The following HNF4G variants were observed in gnomAD, a reference collection of about 807,000 sequenced individuals.
HNF4G encodes hepatocyte nuclear factor 4 gamma, also known as hepatocyte nuclear factor 4-gamma.
Under a neutral mutation model 50.9 loss-of-function variants are expected in HNF4G, and 21 were observed. The observed-to-expected ratio is 0.41, with a 90% confidence interval of 0.29 to 0.59. HNF4G has a LOEUF of 0.59. Among genes scored for constraint, HNF4G ranks in the 20% least tolerant of loss-of-function variants. The pLI, the probability that HNF4G is intolerant of heterozygous loss-of-function variation, is 0.26. For synonymous variants in HNF4G, 198 were observed against 185.6 expected, an observed-to-expected ratio of 1.07 and a Z score of -0.54; for missense variants, 527 against 559.4, an observed-to-expected ratio of 0.94 and a Z score of 0.58.
chr8:75,499,756 T>C (rs964278900), intron 2 of HNF4G, among the ~76,000 whole-genome samples: 8 of 151,998 alleles, frequency 5.3e-5, no homozygotes, highest in Admixed American at 5.2e-4. Flanking sequence ...GATAAATTGA[T>C]TTTGACAAGG....
intron 2 of HNF4G, among the ~76,000 whole-genome samples, chr8:75,546,064 A>G (rs2130792677): frequency 6.6e-6 from 1 of 152,194 alleles, no homozygotes; most frequent in East Asian, 1.9e-4. Context: ...TAGTTTTTAG[A>G]AGAAGTACAT....
chr8:75,502,063 G>A (rs183898007), intron 2 of HNF4G, among the ~76,000 whole-genome samples: 40 of 152,240 alleles, frequency 2.6e-4, no homozygotes, highest in African/African-American at 9.4e-4. Context: ...CTGTTAGCCA[G>A]GATGGTCTTC....
At chr8:75,491,078 C>G (rs1812618200) in intron 2 of HNF4G, among the ~76,000 whole-genome samples, 1 of 152,160 alleles carries the variant, frequency 6.6e-6, no homozygotes, top group Non-Finnish European at 1.5e-5. Flanking sequence ...TCAATCTTGT[C>G]TCTGCCATTT....
At chr8:75,446,903 A>T (rs991401362) in intron 1 of HNF4G, among the ~76,000 whole-genome samples, 8 of 119,770 alleles carry the variant, frequency 6.7e-5, no homozygotes, top group African/African-American at 2.8e-4. Flanking sequence ...GCTACCAATG[A>T]CTTTCTTCAC....
At chr8:75,479,547 T>G (rs1312095230) in intron 1 of HNF4G, among the ~76,000 whole-genome samples, 5 of 150,628 alleles carry the variant, frequency 3.3e-5, no homozygotes, top group Admixed American at 2.0e-4. Context: ...CAGGGCTATA[T>G]CATTAACAAG....
At chr8:75,441,302 A>G (rs772069784) in intron 1 of HNF4G, among the ~76,000 whole-genome samples, 3 of 151,632 alleles carry the variant, frequency 2.0e-5, no homozygotes, top group Non-Finnish European at 4.4e-5. Context: ...CTAAAGTGCA[A>G]TGGCACAGTC....
intron 1 of HNF4G, among the ~76,000 whole-genome samples, chr8:75,472,255 T>C (rs772507217): frequency 6.6e-6 from 1 of 152,214 alleles, no homozygotes; most frequent in African/African-American, 2.4e-5. Context: ...ATTTAGAAAG[T>C]ATTTAGCTTA....
intron 1 of HNF4G, among the ~76,000 whole-genome samples, chr8:75,410,939 G>C (rs574372439): frequency 6.6e-6 from 1 of 152,146 alleles, no homozygotes; most frequent in Non-Finnish European, 1.5e-5. Context: ...CACACATATA[G>C]ATCAGGTAAT....
At chr8:75,414,297 T>C (rs1232299301) in intron 1 of HNF4G, among the ~76,000 whole-genome samples, 1 of 152,094 alleles carries the variant, frequency 6.6e-6, no homozygotes, top group Non-Finnish European at 1.5e-5. Context: ...TAATTTAGCA[T>C]AATTATTTTG....
intron 2 of HNF4G, among the ~76,000 whole-genome samples, chr8:75,529,135 A>C (rs937703635): frequency 2.6e-5 from 4 of 152,012 alleles, no homozygotes; most frequent in African/African-American, 9.7e-5. Flanking sequence ...AAATACAAAA[A>C]AAAAAATTAG....
intron 1 of HNF4G, among the ~76,000 whole-genome samples, chr8:75,471,003 T>TA (rs1486771016): frequency 6.6e-6 from 1 of 152,180 alleles, no homozygotes; most frequent in Non-Finnish European, 1.5e-5. Context: ...TTCAGTGAGT[T>TA]ACTGCACTGC....
At chr8:75,450,416 G>A (rs185351251) in intron 1 of HNF4G, among the ~76,000 whole-genome samples, 7 of 152,256 alleles carry the variant, frequency 4.6e-5, no homozygotes, top group African/African-American at 1.7e-4. Context: ...CCTAAGGCCT[G>A]CAACATACTG....
upstream of HNF4G, among the ~76,000 whole-genome samples, chr8:75,535,101 T>G (rs1455452525): frequency 6.6e-6 from 1 of 151,744 alleles, no homozygotes; most frequent in Non-Finnish European, 1.5e-5. Flanking sequence ...AAATTACACA[T>G]AATCTGGGCT....
intron 1 of HNF4G, among the ~76,000 whole-genome samples, chr8:75,460,595 G>A (rs1162314398): frequency 1.3e-5 from 2 of 152,242 alleles, no homozygotes; most frequent in East Asian, 3.9e-4. Context: ...CCAATGATAG[G>A]ACAATATTAT....
chr8:75,490,399 C>T (rs555080481), intron 2 of HNF4G, among the ~76,000 whole-genome samples: 2 of 152,002 alleles, frequency 1.3e-5, no homozygotes, highest in South Asian at 4.2e-4. Flanking sequence ...CAAATATGAT[C>T]TTCCTTGCCC....
At chr8:75,467,780 A>T (rs575403738) in intron 1 of HNF4G, among the ~76,000 whole-genome samples, 54 of 151,818 alleles carry the variant, frequency 3.6e-4, no homozygotes, top group African/African-American at 1.1e-3. Flanking sequence ...ATTTTTTTTT[A>T]AAATGTCATT....
At chr8:75,459,097 C>T (rs2130600991) in intron 1 of HNF4G, among the ~76,000 whole-genome samples, 1 of 152,198 alleles carries the variant, frequency 6.6e-6, no homozygotes, top group East Asian at 1.9e-4. Context: ...GTCTGTCTAT[C>T]TAGCTATTTC....
chr8:75,486,440 A>G (rs1319938465), intron 1 of HNF4G, among the ~76,000 whole-genome samples: 1 of 152,158 alleles, frequency 6.6e-6, no homozygotes, highest in Admixed American at 6.5e-5. Context: ...GATCATATAC[A>G]TGTTGAATCT....
rs114079154 is a variant in HNF4G, at chr8:75,529,914, C to T, written c.-23-13897C>T. ...TCCTCTCCTCCAAACTTTTATCCAA[C>T]CACCATTCACCTTTCTCAAGAAGAG... On this transcript the variant is annotated intron_variant, in intron 2 of 10. Transcript: ENST00000354370. 9.5e-3 allele frequency among the ~76,000 whole-genome samples: 1,450 copies of T among 152,146 alleles called. 16 individuals carry two copies. Among genetic ancestry groups the T allele is most frequent in the African/African-American group, 0.033 (1,367 of 41,496 alleles).
Sources: gnomAD v4.1 joint callset for allele counts (sites outside exome capture counted in the v4.1 genomes callset) on GRCh38, gnomAD v4.1.1 for gene constraint, MANE v1.5 for transcripts, NCBI Gene and HGNC (gene_info 2026-07-23, HGNC 2026-07-21) for gene names.